The following TBX1 variants were observed in gnomAD, a reference collection of about 807,000 sequenced individuals.
The protein encoded by TBX1 is T-box transcription factor 1, also known as T-box transcription factor TBX1.
A neutral mutation model predicts 40.8 loss-of-function variants in TBX1; 16 were observed. The observed-to-expected ratio is 0.39, with a 90% CI of 0.27 to 0.60. The LOEUF (loss-of-function observed/expected upper bound fraction) is 0.60. Ranked by LOEUF, TBX1 falls within the 20% of genes least tolerant of loss-of-function variation. The pLI is 0.51. For synonymous variants in TBX1, 403 were observed against 336.8 expected (o/e 1.20, Z -2.15); for missense variants, 755 against 728.5 (o/e 1.04, Z -0.42).
rs774388985 is a variant in TBX1, at chr22:19,764,253, C to T, written c.638C>T (p.Ala213Val). 19 of 1,613,314 alleles carry T rather than the reference C, an allele frequency of 1.2e-5. No homozygotes were observed. Among genetic ancestry groups the T allele is most frequent in the African/African-American group, 5.3e-5 (4 of 74,948 alleles). The change falls in exon 3 of 7, where the codon GCG (alanine) becomes GTG (valine). Residue 213 changes from alanine (A) to valine (V), a missense_variant. Ala to Val is a moderately conservative substitution (Grantham distance 64). Coordinates refer to ENST00000649276, the MANE Select transcript of TBX1 (RefSeq NM_001379200.1). ...HYHPDSPAKG[A>V]QWMKQIVSFD... is the part of the protein sequence containing the mutation. ...CACCCGGACTCGCCTGCCAAGGGCG[C>T]GCAGTGGATGAAGCAAATCGTGTCC...
chr22:19,764,164 C>T lies in TBX1; in HGVS notation c.549C>T (p.Phe183=), dbSNP rs1468073803. The change falls in exon 3 of 7, where the codon TTC becomes TTT. Residue 183 remains phenylalanine (F), a synonymous_variant. Transcript: ENST00000649276. ...PVDDKRYRYA[F]HSSSWLVAGK... ...CCCCGTGCCGCTCCAGGTACGCCTT[C>T]CACAGCTCCTCCTGGCTGGTGGCGG... The T allele has an allele frequency of 1.7e-5, 28 of 1,612,964 alleles. No homozygotes were observed. The highest frequency in any genetic ancestry group is 2.2e-5 in the Non-Finnish European group (26 of 1,179,890).
At chr22:19,765,723 G>A (rs755891567) in intron 4 of TBX1, 35 bp from the exon 5 acceptor site, 3 of 1,609,974 alleles carry the variant, frequency 1.9e-6, no homozygotes, top group Non-Finnish European at 8.5e-7. Context: ...AGGCTGCAGG[G>A]CTCCAGCGGC....
chr22:19,771,391 A>T (rs1168536290), downstream of TBX1, among the ~76,000 whole-genome samples: 1 of 152,208 alleles, frequency 6.6e-6, no homozygotes, highest in Non-Finnish European at 1.5e-5. Flanking sequence ...CCTCAGATGA[A>T]ACTCCGGAGA....
upstream of TBX1, among the ~76,000 whole-genome samples, chr22:19,758,465 C>T (rs1159775134): frequency 6.6e-6 from 1 of 152,220 alleles, no homozygotes; most frequent in Non-Finnish European, 1.5e-5. Flanking sequence ...CCAAGTCAGG[C>T]CTTGGCGTCT....
In TBX1 at chr22:19,767,181, C is replaced by T. The variant is rs1601295889; in HGVS notation, c.*314C>T. On this transcript the variant is annotated 3_prime_UTR_variant, in exon 7 of 7. Coordinates refer to ENST00000649276, the MANE Select transcript of TBX1 (RefSeq NM_001379200.1). ...GGAAGGAAGTGATATTTATTGTTCT[C>T]CCCGAGACCGCGTCGCCCGCGGCCC... is the stretch of plus-strand genomic sequence containing the variant. The T allele has an allele frequency of 3.5e-6, 4 of 1,128,094 alleles. No homozygotes were observed. The highest frequency in any genetic ancestry group is 2.2e-6 in the Non-Finnish European group (2 of 921,370). 69.9% of individuals were successfully genotyped at this position (1,128,094 alleles called of 1,614,324 possible). A position where few individuals can be genotyped will look rare whatever the true frequency, so the allele number is the denominator to read the frequency against.
At chr22:19,759,171 A>G (rs534118476), upstream of TBX1, among the ~76,000 whole-genome samples, 1 of 152,308 alleles carries the variant, frequency 6.6e-6, no homozygotes, top group South Asian at 2.1e-4. Flanking sequence ...CGCTGCACAG[A>G]GAAAGGCCGT....
At position 19,767,213 on chromosome 22, in the gene TBX1, C is replaced by G; in HGVS notation, c.*346C>G. 1.8e-6 allele frequency: 2 copies of G among 1,098,954 alleles called. No homozygotes were observed. Among genetic ancestry groups the G allele is most frequent in the African/African-American group, 1.7e-5 (1 of 60,158 alleles). The allele number at this position is 1,098,954 out of a possible 1,614,324, so 68.1% of individuals were successfully genotyped here. ...ACCGCGTCGCCCGCGGCCCGGCCGGCAGTTGCAGTGTAGACAGCCCGAGAG... is the reference window on the plus strand; with the variant it reads ...ACCGCGTCGCCCGCGGCCCGGCCGGGAGTTGCAGTGTAGACAGCCCGAGAG... On this transcript the variant is annotated 3_prime_UTR_variant, in exon 7 of 7. Transcript: ENST00000649276.
chr22:19,759,789 A>G, upstream of TBX1: 1 of 1,282,858 alleles, frequency 7.8e-7, no homozygotes, highest in Non-Finnish European at 1.1e-6. Context: ...CGTGGGCTCC[A>G]GGCTTCTGGC....
At position 19,766,876 on chromosome 22, in the gene TBX1, C is replaced by T. The variant is rs368172043; in HGVS notation, c.*9C>T. ...ACTATTGCCCCAGATAACACGGGCC[C>T]TGTCGCGCTCCCGCCCCGGTCCTGC... is the stretch of plus-strand genomic sequence containing the variant. On this transcript the variant is annotated 3_prime_UTR_variant, in exon 7 of 7. Coordinates refer to ENST00000649276, the MANE Select transcript of TBX1 (RefSeq NM_001379200.1). 2.5e-5 allele frequency: 40 copies of T among 1,586,030 alleles called. No homozygotes were observed. The Admixed American group carries it at 3.4e-4, about 13-fold the overall frequency.
exon 9 of TBX1, chr22:19,779,273 C>A: frequency 6.2e-7 from 1 of 1,614,218 alleles, no homozygotes; most frequent in Non-Finnish European, 8.5e-7. Flanking sequence ...TAGGAACACA[C>A]CAGAGAGAGA....
At chr22:19,767,811 C>T (rs765959669), downstream of TBX1, among the ~76,000 whole-genome samples, 19 of 152,210 alleles carry the variant, frequency 1.2e-4, no homozygotes, top group Non-Finnish European at 2.9e-5. Context: ...AGCCCCTGAC[C>T]GGGATGGGGT....
At chr22:19,768,950 A>ATTTTTTT (rs1601297935), downstream of TBX1, among the ~76,000 whole-genome samples, 2 of 70,712 alleles carry the variant, frequency 2.8e-5, no homozygotes, top group African/African-American at 5.2e-5. Flanking sequence ...GGCTGTTCGC[A>ATTTTTTT]TTCTTTTTTT....
At chr22:19,763,055 A>G (rs1411734520) in intron 1 of TBX1, among the ~76,000 whole-genome samples, 186 bp from the exon 2 acceptor site, 2 of 152,164 alleles carry the variant, frequency 1.3e-5, no homozygotes, top group South Asian at 2.1e-4. Context: ...CCAAGCTCCC[A>G]GTTGAGTAGG....
Position 19,766,548 on chromosome 22 carries a change from G to T in TBX1, c.1196G>T (p.Gly399Val). Residue 399 changes from glycine (G) to valine (V), a missense_variant, in exon 7 of 7, where the codon GGA becomes GTA. This residue lies in a region of TBX1 where 412 missense variants were observed against 317.6 expected (regional missense o/e 1.30). Transcript: ENST00000649276. ...GGLVPLPGAP[G>V]GRPSPPNPEL... The stretch of plus-strand genomic sequence containing the variant: ...TTAGTCCCGCTGCCCGGCGCGCCCG[G>T]AGGCCGGCCCAGTCCCCCGAACCCC... 1 of 1,362,976 alleles carries T rather than the reference G, an allele frequency of 7.3e-7. No individual in the cohort carries two copies. The allele number at this position is 1,362,976 out of a possible 1,614,324, so 84.4% of individuals were successfully genotyped here.
chr22:19,766,170 G>A, intron 6 of TBX1, 168 bp downstream of exon 6: 1 of 778,726 alleles, frequency 1.3e-6, no homozygotes, highest in Non-Finnish European at 1.6e-6. Flanking sequence ...CGGCCCGACG[G>A]CTGCGCCCCG....
chr22:19,759,498 A>ACG (rs1936569157), upstream of TBX1: 1 of 1,488,706 alleles, frequency 6.7e-7, no homozygotes, highest in Non-Finnish European at 8.9e-7. Context: ...GCGCCTATGG[A>ACG]CGCGCGGAGC....
rs1936895867 is a variant in TBX1 at position 19,767,252 on chromosome 22, C to T, written c.*385C>T. ...ACAGCCCGAGAGCCCCGCCTGCAGG[C>T]GGTGTAGATACATGTAGATACTGTA... On this transcript the variant is annotated 3_prime_UTR_variant, in exon 7 of 7. Coordinates refer to ENST00000649276, the MANE Select transcript of TBX1 (RefSeq NM_001379200.1). 9.5e-7 allele frequency: 1 copy of T among 1,049,168 alleles called. No individual in the cohort carries two copies. 65.0% of individuals were successfully genotyped at this position (1,049,168 alleles called of 1,614,324 possible).
intron 3 of TBX1, 75 bp from the exon 4 acceptor site, chr22:19,764,883 C>G: frequency 6.3e-7 from 1 of 1,576,618 alleles, no homozygotes; most frequent in Non-Finnish European, 8.7e-7. Context: ...CAGACCTCAG[C>G]CCATTTCCTG....
chr22:19,765,149 C>A (rs562366568), intron 4 of TBX1, 36 bp downstream of exon 4: 2 of 1,613,704 alleles, frequency 1.2e-6, no homozygotes, highest in Non-Finnish European at 1.7e-6. Flanking sequence ...GCGGATTCAA[C>A]GCCTCTGGAA....
Sources: allele counts gnomAD v4.1 joint callset (sites outside exome capture counted in the v4.1 genomes callset), GRCh38; gene constraint gnomAD v4.1.1; regional missense constraint gnomAD v4.1.1; transcripts MANE v1.5; gene names NCBI Gene and HGNC (gene_info 2026-07-23, HGNC 2026-07-21).